The following IFT122 variants were observed in gnomAD, a reference collection of about 807,000 sequenced individuals.
IFT122 encodes the protein intraflagellar transport protein 122 homolog.
In IFT122, 118 loss-of-function variants were observed where a neutral mutation model predicts 161.6. The ratio of observed to expected loss-of-function variants is 0.73; its 90% CI spans 0.63 to 0.85. The LOEUF (loss-of-function observed/expected upper bound fraction) is 0.85. IFT122 is among the 40% of genes least tolerant of loss of function. IFT122 has a pLI of 0.00. For synonymous variants in IFT122, 550 were observed against 602.4 expected (o/e 0.91, Z 1.27); for missense variants, 1,381 against 1,579.6 (o/e 0.87, Z 2.13).
intron 6 of IFT122, among the ~76,000 whole-genome samples, chr3:129,464,136 G>T (rs1432454430): frequency 6.6e-6 from 1 of 152,202 alleles, no homozygotes; most frequent in African/African-American, 2.4e-5. Context: ...AAGCGTGCAG[G>T]ACAGTACCTG....
chr3:129,507,535 C>T, intron 22 of IFT122, 133 bp from the exon 23 acceptor site: 1 of 782,060 alleles, frequency 1.3e-6, no homozygotes, highest in Admixed American at 1.8e-5. Context: ...GTCCCTCACC[C>T]TGGCACAGAC....
At chr3:129,464,311 T>G (rs927235931) in intron 6 of IFT122, among the ~76,000 whole-genome samples, 1 of 151,976 alleles carries the variant, frequency 6.6e-6, no homozygotes, top group African/African-American at 2.4e-5. Context: ...TGGGAGGGGA[T>G]TGAGATGGAG....
At position 129,440,356 on chromosome 3, in the gene IFT122, A is replaced by AT; in HGVS notation, c.27dup (p.Lys10Ter). On this transcript the variant is annotated frameshift_variant, in exon 1 of 30. Coordinates refer to ENST00000348417, the MANE Select transcript of IFT122 (RefSeq NM_052989.3). LOFTEE classifies it high-confidence loss of function. ...ATGAGGGCCGTGTTGACGTGGAGAG[A>AT]TAAAGCCGAGCACTGGTGAGGAGCG... The AT allele has an allele frequency of 6.4e-7, 1 of 1,550,862 alleles. No individual in the cohort carries two copies. The highest frequency in any genetic ancestry group is 8.7e-7 in the Non-Finnish European group (1 of 1,146,820).
At chr3:129,474,688 A>G (rs185674320) in intron 9 of IFT122, among the ~76,000 whole-genome samples, 99 of 152,308 alleles carry the variant, frequency 6.5e-4, no homozygotes, top group African/African-American at 2.2e-3. Flanking sequence ...TAGGAAACTT[A>G]CAAGTTCATT....
At chr3:129,453,414 T>C (rs1388448096) in intron 3 of IFT122, among the ~76,000 whole-genome samples, 2 of 151,846 alleles carry the variant, frequency 1.3e-5, no homozygotes, top group East Asian at 3.9e-4. Context: ...GGACAGCGAG[T>C]GGACCCAGGA....
intron 19 of IFT122, among the ~76,000 whole-genome samples, chr3:129,501,212 G>A (rs1231713248): frequency 3.3e-5 from 5 of 152,130 alleles, no homozygotes; most frequent in East Asian, 1.9e-4. Flanking sequence ...GCACACACAC[G>A]TGCACATGCT....
chr3:129,507,614 G>A, intron 22 of IFT122, 54 bp from the exon 23 acceptor site: 4 of 1,418,534 alleles, frequency 2.8e-6, no homozygotes, highest in Non-Finnish European at 4.0e-6. Flanking sequence ...GGGCCAGTTG[G>A]CAGCCACAGA....
rs146751064 is a variant in IFT122, at chr3:129,471,279, C to G, written c.816+1862C>G. On this transcript the variant is annotated intron_variant, in intron 9 of 29. Coordinates refer to ENST00000348417, the MANE Select transcript of IFT122 (RefSeq NM_052989.3). ...TACCATTGGTCATTTCTTTTGTATT[C>G]GAGTAAAGAAAAGATAAAGGGAGCA... Among the ~76,000 whole-genome samples, 679 of 152,250 alleles carry G rather than the reference C, an allele frequency of 4.5e-3. 4 individuals are homozygous for G. Among genetic ancestry groups the G allele is most frequent in the African/African-American group, 0.015 (638 of 41,530 alleles).
intron 3 of IFT122, among the ~76,000 whole-genome samples, chr3:129,454,515 G>T (rs199547061): frequency 1.3e-3 from 138 of 103,016 alleles, no homozygotes; most frequent in African/African-American, 5.7e-3. Flanking sequence ...AGTCATATTT[G>T]TGTGTGTGTG....
rs777744869 is a variant in IFT122, at chr3:129,504,433, A to G, written c.2650+12A>G. ...GGAAGCCCAGAAAGGTAGGCAACAC[A>G]GACTGTCACCTTCTAGAAGGAGCAG... On this transcript the variant is annotated intron_variant, in intron 21 of 29. Transcript: ENST00000348417. 29 of 1,603,198 alleles carry G rather than the reference A, an allele frequency of 1.8e-5. No homozygotes were observed. In the Admixed American group the frequency reaches 4.5e-4, roughly 25 times the overall value.
intron 22 of IFT122, 113 bp from the exon 23 acceptor site, chr3:129,507,555 T>G: frequency 2.4e-6 from 2 of 840,164 alleles, no homozygotes; most frequent in South Asian, 2.7e-5. Context: ...CACTGTGTGG[T>G]GGGAGAACTG....
intron 3 of IFT122, chr3:129,456,220 C>G: frequency 7.8e-7 from 1 of 1,286,032 alleles, no homozygotes; most frequent in South Asian, 1.2e-5. Flanking sequence ...CTTTTCATCA[C>G]CATCACCTGC....
At chr3:129,516,773 G>GAC (rs1254958185) in intron 26 of IFT122, among the ~76,000 whole-genome samples, 2 of 29,324 alleles carry the variant, frequency 6.8e-5, no homozygotes, top group African/African-American at 2.9e-4. Context: ...CCTGCACACA[G>GAC]ACACACAGAG....
intron 21 of IFT122, among the ~76,000 whole-genome samples, chr3:129,505,692 C>T (rs1208312708): frequency 6.6e-6 from 1 of 152,234 alleles, no homozygotes; most frequent in Non-Finnish European, 1.5e-5. Context: ...CAGCCACCAA[C>T]ATCTCAAGGG....
At chr3:129,465,044 CAA>C (rs1446039958) in intron 7 of IFT122, among the ~76,000 whole-genome samples, 1 of 151,498 alleles carries the variant, frequency 6.6e-6, no homozygotes, top group East Asian at 1.9e-4. Flanking sequence ...TAGGACAGGC[CAA>C]AGTGTGTGTG....
At chr3:129,455,156 T>G (rs975304892) in intron 3 of IFT122, among the ~76,000 whole-genome samples, 1 of 152,056 alleles carries the variant, frequency 6.6e-6, no homozygotes, top group Non-Finnish European at 1.5e-5. Flanking sequence ...TGATTTCTCC[T>G]TTAAGTTCAT....
intron 23 of IFT122, among the ~76,000 whole-genome samples, chr3:129,508,466 C>T (rs6809071): frequency 0.11 from 16,176 of 152,172 alleles, 1,309 homozygotes; most frequent in African/African-American, 0.22. Context: ...GACTGTCACC[C>T]CCATGTTACA....
At chr3:129,496,753 C>T (rs1233098074) in intron 18 of IFT122, among the ~76,000 whole-genome samples, 1 of 152,172 alleles carries the variant, frequency 6.6e-6, no homozygotes, top group South Asian at 2.1e-4. Flanking sequence ...TGTTCAGGCT[C>T]CCTCTACTTT....
chr3:129,487,861 G>T (rs1577760107), intron 15 of IFT122: 1 of 337,772 alleles, frequency 3.0e-6, no homozygotes, highest in South Asian at 2.4e-5. Context: ...TGGGGTGGGG[G>T]CTTGAGGGGC....
Sources: gnomAD v4.1 joint callset for allele counts (sites outside exome capture counted in the v4.1 genomes callset) on GRCh38, gnomAD v4.1.1 for gene constraint, MANE v1.5 for transcripts, NCBI Gene and HGNC (gene_info 2026-07-23, HGNC 2026-07-21) for gene names.